Variants in SLC6A7 observed in about 807,000 individuals in gnomAD.
SLC6A7 encodes the protein solute carrier family 6 member 7.
In SLC6A7, 58 loss-of-function variants were observed where a neutral mutation model predicts 73.1. The ratio of observed to expected loss-of-function variants is 0.79; its 90% CI spans 0.64 to 0.99. The LOEUF is 0.99. Among genes scored for constraint, SLC6A7 ranks in the 50% least tolerant of loss-of-function variants. The pLI is 0.00. For synonymous variants in SLC6A7, 338 were observed against 338.7 expected (o/e 1.00, Z 0.02); for missense variants, 783 against 831.4 (o/e 0.94, Z 0.72).
intron 4 of SLC6A7, 33 bp downstream of exon 4, chr5:150,197,309 G>C (rs762506721): frequency 8.2e-6 from 12 of 1,458,662 alleles, no homozygotes; most frequent in Non-Finnish European, 1.1e-5. Flanking sequence ...GGCATCTGAG[G>C]GGACCCTGCA....
At chr5:150,194,488 A>G (rs1301269489) in intron 1 of SLC6A7, among the ~76,000 whole-genome samples, 1 of 151,904 alleles carries the variant, frequency 6.6e-6, no homozygotes, top group Non-Finnish European at 1.5e-5. Context: ...TAGCCAGACT[A>G]AGGTCAGGGT....
rs540751598 is a variant in SLC6A7 at position 150,191,722 on chromosome 5, G to A, written c.33+1362G>A. Among the ~76,000 whole-genome samples the A allele has an allele frequency of 3.9e-5, 6 of 152,176 alleles. No homozygotes were observed. In the South Asian group the frequency reaches 6.2e-4, roughly 16 times the overall value. ...TGGGATTACAGGTGTGAGTCACTGC[G>A]CCCAGCTGGTATGTCTTTTTTATTC... On this transcript the variant is annotated intron_variant, in intron 1 of 13. Transcript: ENST00000230671.
In SLC6A7 at chr5:150,190,387, G is replaced by C. The variant is rs796927314; in HGVS notation, c.33+27G>C. ...TAGGGCACGAGGGCGGGGGCGCTGG[G>C]GGTGCACCTGGAGGAGGGTTGGAGA... On this transcript the variant is annotated intron_variant, in intron 1 of 13. Coordinates refer to ENST00000230671, the MANE Select transcript of SLC6A7 (RefSeq NM_014228.5). 6 of 1,469,986 alleles carry C rather than the reference G, an allele frequency of 4.1e-6. No homozygotes were observed. In the African/African-American group the frequency reaches 8.9e-5, roughly 22 times the overall value. The allele number at this position is 1,469,986 out of a possible 1,614,324, so 91.1% of individuals were successfully genotyped here.
intron 13 of SLC6A7, among the ~76,000 whole-genome samples, chr5:150,206,585 C>A (rs1391605226): frequency 6.6e-6 from 1 of 152,234 alleles, no homozygotes; most frequent in Non-Finnish European, 1.5e-5. Context: ...CACAAGGCTC[C>A]ACCTGCAGGG....
At chr5:150,206,129 C>T (rs1306588561) in intron 13 of SLC6A7, among the ~76,000 whole-genome samples, 2 of 152,168 alleles carry the variant, frequency 1.3e-5, no homozygotes, top group African/African-American at 4.8e-5. Flanking sequence ...GGTCTGAGGC[C>T]TTGGAAGAGA....
chr5:150,201,230 C>T lies in SLC6A7; in HGVS notation c.858+7C>T, dbSNP rs759797571. On this transcript the variant is annotated splice_region_variant and intron_variant, in intron 6 of 13. Transcript: ENST00000230671. ...CCACTTGTTGTCTTCCAAGGTGAGC[C>T]CCTCAGGGCGGGGTGCAGAGGGAGG... 1.2e-6 allele frequency: 2 copies of T among 1,600,882 alleles called. No homozygotes were observed. The highest frequency in any genetic ancestry group is 2.3e-5 in the South Asian group (2 of 88,732).
chr5:150,204,803 TTCC>T, intron 11 of SLC6A7, 21 bp from the exon 12 acceptor site: 1 of 1,552,322 alleles, frequency 6.4e-7, no homozygotes, highest in African/African-American at 1.4e-5. Flanking sequence ...GGTGGGGCCA[TTCC>T]TCCTCCCCTC....
intron 4 of SLC6A7, among the ~76,000 whole-genome samples, chr5:150,197,550 AT>A (rs1480403076): frequency 1.3e-5 from 2 of 152,248 alleles, no homozygotes; most frequent in African/African-American, 4.8e-5. Flanking sequence ...GAAAGCATAT[AT>A]TAATAAATTG....
In SLC6A7 at chr5:150,196,747, G is replaced by A. The variant is rs1196595299; in HGVS notation, c.249G>A (p.Leu83=). 2 of 1,613,940 alleles carry A rather than the reference G, an allele frequency of 1.2e-6. No individual in the cohort carries two copies. The highest frequency in any genetic ancestry group is 1.7e-6 in the Non-Finnish European group (2 of 1,179,954). Residue 83 remains leucine, a synonymous_variant, in exon 3 of 14, where the codon CTG becomes CTA. Coordinates refer to ENST00000230671, the MANE Select transcript of SLC6A7 (RefSeq NM_014228.5). ...TCCTCGTGCCCTACTTCCTCATGCT[G>A]GCCATCTGTGGCATCCCCCTCTTCT... ...GAFLVPYFLM[L]AICGIPLFFL...
intron 11 of SLC6A7, 75 bp from the exon 12 acceptor site, chr5:150,204,752 C>A: frequency 2.8e-5 from 38 of 1,352,858 alleles, no homozygotes; most frequent in Non-Finnish European, 3.8e-5. Flanking sequence ...GTGGGGGCAG[C>A]TGGGGTAGAG....
At chr5:150,203,197 A>G (rs530361357) in intron 8 of SLC6A7, among the ~76,000 whole-genome samples, 1 of 152,260 alleles carries the variant, frequency 6.6e-6, no homozygotes, top group Admixed American at 6.5e-5. Context: ...GGGTGAGCAA[A>G]CGAGTGTGCA....
intron 1 of SLC6A7, 31 bp downstream of exon 1, chr5:150,190,391 G>T: frequency 6.8e-7 from 1 of 1,462,992 alleles, no homozygotes; most frequent in Non-Finnish European, 9.1e-7. Context: ...CGCTGGGGGT[G>T]CACCTGGAGG....
At position 150,210,978 on chromosome 5, in the gene SLC6A7, G is replaced by A. The variant is rs192655740; in HGVS notation, c.*1363G>A. On this transcript the variant is annotated 3_prime_UTR_variant, in exon 14 of 14. Coordinates refer to ENST00000230671, the MANE Select transcript of SLC6A7 (RefSeq NM_014228.5). The stretch of plus-strand genomic sequence containing the variant: ...CCCTCATGCAACAGGCCTCCCTGTG[G>A]CCAGCCTCTCTGCCTGTCTCTCGCT... 1.3e-3 allele frequency: 200 copies of A among 152,830 alleles called. No individual in the cohort carries two copies. The highest frequency in any genetic ancestry group is 3.4e-3 in the Middle Eastern group (1 of 296). 9.5% of individuals were successfully genotyped at this position (152,830 alleles called of 1,614,324 possible). A position where few individuals can be genotyped will look rare whatever the true frequency, so the allele number is the denominator to read the frequency against.
At chr5:150,190,992 C>T (rs1752757974) in intron 1 of SLC6A7, among the ~76,000 whole-genome samples, 1 of 152,114 alleles carries the variant, frequency 6.6e-6, no homozygotes, top group African/African-American at 2.4e-5. Flanking sequence ...GCTGTGGGCC[C>T]AGACCTCAGG....
rs1045758793 is a variant in SLC6A7 at position 150,210,820 on chromosome 5, G to A, written c.*1205G>A. On this transcript the variant is annotated 3_prime_UTR_variant, in exon 14 of 14. Coordinates refer to ENST00000230671, the MANE Select transcript of SLC6A7 (RefSeq NM_014228.5). ...CCACCTTGTTCCAGGACATGGGCCCGGGCCCGGTGTGGGGGTAGACGCAGA... is the reference window on the plus strand; with the variant it reads ...CCACCTTGTTCCAGGACATGGGCCCAGGCCCGGTGTGGGGGTAGACGCAGA... 2 of 152,576 alleles carry A rather than the reference G, an allele frequency of 1.3e-5. No individual in the cohort carries two copies. The highest frequency in any genetic ancestry group is 2.4e-5 in the African/African-American group (1 of 41,460). The allele number at this position is 152,576 out of a possible 1,614,324, so 9.5% of individuals were successfully genotyped here.
intron 13 of SLC6A7, 58 bp downstream of exon 13, chr5:150,205,681 TCCCCCTGCTAGAA>T: frequency 1.4e-6 from 2 of 1,462,236 alleles, no homozygotes; most frequent in Non-Finnish European, 1.9e-6. Context: ...TGACCCTAGG[TCCCCCTGCTAGAA>T]CAGAAAACAT....
rs1266644334 is a variant in SLC6A7, at chr5:150,203,941, C to T, written c.1235C>T (p.Thr412Ile). ...CTGGAGACCATTGTGACAGCTGTGACAGATGAGTTCCCATACTACCTGCGG... is the reference window on the plus strand; with the variant it reads ...CTGGAGACCATTGTGACAGCTGTGATAGATGAGTTCCCATACTACCTGCGG... ...AFLETIVTAV[T>I]DEFPYYLRPK... is the part of the protein sequence containing the mutation. Residue 412 changes from threonine (T) to isoleucine (I), a missense_variant, in exon 10 of 14, where the codon ACA becomes ATA. Physicochemically the swap from Thr to Ile is moderately conservative, Grantham distance 89. Coordinates refer to ENST00000230671, the MANE Select transcript of SLC6A7 (RefSeq NM_014228.5). 6.2e-6 allele frequency: 10 copies of T among 1,613,588 alleles called. No homozygotes were observed. Among genetic ancestry groups the T allele is most frequent in the Non-Finnish European group, 8.5e-6 (10 of 1,179,902 alleles).
At position 150,209,564 on chromosome 5, in the gene SLC6A7, G is replaced by A. The variant is rs149152174; in HGVS notation, c.1860G>A (p.Thr620=). The stretch of plus-strand genomic sequence containing the variant: ...GGGGCATCACCAGCTTCGAGAACAC[G>A]GCCATCGAGGTGGACCGTGAGATTG... ...KYGGITSFEN[T]AIEVDREIAE... Residue 620 remains threonine, a synonymous_variant, in exon 14 of 14, where the codon ACG becomes ACA. Transcript: ENST00000230671. 2.8e-4 allele frequency: 448 copies of A among 1,613,752 alleles called. No individual in the cohort carries two copies. In the African/African-American group the frequency reaches 5.2e-3, roughly 19 times the overall value.
chr5:150,205,811 GCCTT>G (rs1753670949), intron 13 of SLC6A7, among the ~76,000 whole-genome samples, 188 bp downstream of exon 13: 1 of 152,214 alleles, frequency 6.6e-6, no homozygotes, highest in African/African-American at 2.4e-5. Flanking sequence ...ACCACATGAA[GCCTT>G]AGGGGAGTGG....
Sources: allele counts gnomAD v4.1 joint callset (sites outside exome capture counted in the v4.1 genomes callset), GRCh38; gene constraint gnomAD v4.1.1; transcripts MANE v1.5; gene names NCBI Gene and HGNC (gene_info 2026-07-23, HGNC 2026-07-21).